Variants in PLA2R1 observed in about 807,000 individuals in gnomAD.
The protein encoded by PLA2R1 is phospholipase A2 receptor 1.
Under a neutral mutation model 195.9 loss-of-function variants are expected in PLA2R1, and 158 were observed. The observed-to-expected ratio is 0.81, with a 90% confidence interval of 0.71 to 0.92. The LOEUF (loss-of-function observed/expected upper bound fraction) is 0.92, where lower values mean the gene tolerates loss of function less well. PLA2R1 is among the 40% of genes least tolerant of loss of function. The pLI is 0.00. For missense variants in PLA2R1, 1,626 were observed against 1,764.6 expected, an observed-to-expected ratio of 0.92 and a Z score of 1.41; for synonymous variants, 586 against 598.2, an observed-to-expected ratio of 0.98 and a Z score of 0.30.
At chr2:159,976,449 G>C (rs577090731) in intron 16 of PLA2R1, among the ~76,000 whole-genome samples, 2 of 152,012 alleles carry the variant, frequency 1.3e-5, no homozygotes, top group Non-Finnish European at 2.9e-5. Context: ...TAAAAGGTCG[G>C]GGATAGGTAC....
At chr2:160,008,220 G>A (rs1692127721) in intron 10 of PLA2R1, among the ~76,000 whole-genome samples, 1 of 151,966 alleles carries the variant, frequency 6.6e-6, no homozygotes, top group African/African-American at 2.4e-5. Flanking sequence ...GCGGGAGGAT[G>A]GCTTGAGCCC....
Position 160,044,996 on chromosome 2 carries a change from C to A in PLA2R1, c.271G>T (p.Gly91Cys). 6.2e-7 allele frequency: 1 copy of A among 1,614,070 alleles called. No individual in the cohort carries two copies. Among genetic ancestry groups the A allele is most frequent in the Non-Finnish European group, 8.5e-7 (1 of 1,179,916 alleles). Residue 91 changes from glycine to cysteine, a missense_variant, in exon 2 of 30, where the codon GGC becomes TGC. By Grantham distance (159) the Gly-to-Cys change is radical. Coordinates refer to ENST00000283243, the MANE Select transcript of PLA2R1 (RefSeq NM_007366.5). ...LFNIGGSGCLGLNFSAPEQPL... is the reference protein window; with the variant it reads ...LFNIGGSGCLCLNFSAPEQPL... Reference sequence around the variant, plus strand: ...TGCTCTGGGGCGGAGAAATTCAGGCCCAGGCAACCACTGCCTCCTATGTTA... The same window carrying A: ...TGCTCTGGGGCGGAGAAATTCAGGCACAGGCAACCACTGCCTCCTATGTTA...
intron 1 of PLA2R1, among the ~76,000 whole-genome samples, chr2:160,052,151 A>C (rs1168545752): frequency 6.6e-6 from 1 of 152,066 alleles, no homozygotes; most frequent in East Asian, 1.9e-4. Flanking sequence ...TTTCTCTCTA[A>C]TCTCACCTAA....
At chr2:160,037,398 T>C (rs1286772338) in intron 3 of PLA2R1, among the ~76,000 whole-genome samples, 3 of 152,224 alleles carry the variant, frequency 2.0e-5, no homozygotes, top group Non-Finnish European at 4.4e-5. Flanking sequence ...TCATTCACTG[T>C]ACTCTTGCCA....
At chr2:159,950,391 G>T (rs1687658363) in intron 24 of PLA2R1, among the ~76,000 whole-genome samples, 1 of 152,146 alleles carries the variant, frequency 6.6e-6, no homozygotes. Context: ...GGGCAATTTG[G>T]TAGTACTTGT....
intron 23 of PLA2R1, among the ~76,000 whole-genome samples, chr2:159,952,882 A>G (rs1355198231): frequency 6.6e-6 from 1 of 152,212 alleles, no homozygotes; most frequent in Non-Finnish European, 1.5e-5. Flanking sequence ...AGCTGTACAT[A>G]TGGAAAAACC....
chr2:160,005,508 C>T (rs943420099), intron 11 of PLA2R1, 144 bp downstream of exon 11: 9 of 574,652 alleles, frequency 1.6e-5, no homozygotes, highest in Admixed American at 3.2e-5. Context: ...ATATGTCACC[C>T]CCTGTTAACC....
chr2:160,039,960 G>T (rs6432580), intron 3 of PLA2R1, among the ~76,000 whole-genome samples: 102,424 of 150,058 alleles, frequency 0.68, 35,127 homozygotes, highest in East Asian at 0.96. Context: ...TTTTTTTTTT[G>T]AAGTCCCTAG....
At chr2:159,943,386 G>A (rs1415236598) in intron 28 of PLA2R1, among the ~76,000 whole-genome samples, 1 of 152,152 alleles carries the variant, frequency 6.6e-6, no homozygotes, top group African/African-American at 2.4e-5. Flanking sequence ...CATATCAGAT[G>A]CACAAATTTT....
chr2:159,969,425 TTA>T, intron 18 of PLA2R1, 66 bp from the exon 19 acceptor site: 2 of 847,116 alleles, frequency 2.4e-6, no homozygotes, highest in Non-Finnish European at 4.0e-6. Flanking sequence ...AACATCATTC[TTA>T]GAGTTCTGAG....
chr2:160,057,457 C>T (rs540200115), intron 1 of PLA2R1, among the ~76,000 whole-genome samples: 28 of 152,340 alleles, frequency 1.8e-4, no homozygotes, highest in Admixed American at 1.6e-3. Context: ...GCTCACTGAA[C>T]TTTTACTGTT....
intron 6 of PLA2R1, among the ~76,000 whole-genome samples, chr2:160,023,581 C>T (rs139392951): frequency 0.014 from 2,071 of 152,294 alleles, 28 homozygotes; most frequent in Non-Finnish European, 0.017. Flanking sequence ...AGCATATAAT[C>T]GAGAAAGAAC....
chr2:160,020,023 T>C (rs1275851835), intron 8 of PLA2R1, 83 bp downstream of exon 8: 1 of 1,000,972 alleles, frequency 1.0e-6, no homozygotes, highest in African/African-American at 1.6e-5. Context: ...TGTCTTGGTC[T>C]CTGCCACAGC....
chr2:159,976,676 C>T lies in PLA2R1; in HGVS notation c.2437+9G>A, dbSNP rs1484141838. ...TTAGAAATTCAAGAGCTGCCAGAGT[C>T]ATTCTTACCGTACTGGTACCAGAAC... is the stretch of plus-strand genomic sequence containing the variant. On this transcript the variant is annotated intron_variant, in intron 16 of 29. Transcript: ENST00000283243. The T allele has an allele frequency of 5.1e-6, 8 of 1,575,036 alleles. No homozygotes were observed. Among genetic ancestry groups the T allele is most frequent in the South Asian group, 1.1e-5 (1 of 90,358 alleles).
intron 10 of PLA2R1, among the ~76,000 whole-genome samples, chr2:160,009,905 C>T (rs1376642722): frequency 6.6e-6 from 1 of 151,944 alleles, no homozygotes; most frequent in Non-Finnish European, 1.5e-5. Flanking sequence ...CCCAGGAGTT[C>T]AAGACCAGCC....
intron 11 of PLA2R1, among the ~76,000 whole-genome samples, chr2:159,997,193 C>T (rs1158624387): frequency 1.3e-5 from 2 of 152,124 alleles, no homozygotes. Flanking sequence ...AAGCGTTCTA[C>T]AATTTTACCA....
At chr2:159,962,202 AC>A (rs1688496277) in intron 20 of PLA2R1, among the ~76,000 whole-genome samples, 1 of 152,142 alleles carries the variant, frequency 6.6e-6, no homozygotes, top group Non-Finnish European at 1.5e-5. Context: ...AAAACAAACA[AC>A]CCCATCAAAA....
chr2:159,925,351 G>A, the PLA2R1 span, among the ~76,000 whole-genome samples: 1 of 152,114 alleles, frequency 6.6e-6, no homozygotes, highest in Non-Finnish European at 1.5e-5. Context: ...AAAGATAACT[G>A]AAATTAGCAT....
chr2:159,953,994 C>T (rs763148573), intron 23 of PLA2R1, among the ~76,000 whole-genome samples: 5 of 152,054 alleles, frequency 3.3e-5, no homozygotes, highest in Admixed American at 1.3e-4. Flanking sequence ...CCACCACGCC[C>T]GGCTAATTTT....
Sources: gnomAD v4.1 joint callset for allele counts (sites outside exome capture counted in the v4.1 genomes callset) on GRCh38, gnomAD v4.1.1 for gene constraint, MANE v1.5 for transcripts, NCBI Gene and HGNC (gene_info 2026-07-23, HGNC 2026-07-21) for gene names.